Variants in CNTN4 observed in about 807,000 individuals in gnomAD.
CNTN4 encodes the protein contactin 4.
In CNTN4, 77 loss-of-function variants were observed where a neutral mutation model predicts 122.5. The ratio of observed to expected loss-of-function variants is 0.63; its 90% CI spans 0.52 to 0.76. CNTN4 has a LOEUF of 0.76. Ranked by LOEUF, CNTN4 falls within the 30% of genes least tolerant of loss-of-function variation. The pLI is 0.00. For missense variants in CNTN4, 1,256 were observed against 1,259.1 expected, an observed-to-expected ratio of 1.00 and a Z score of 0.04; for synonymous variants, 512 against 447.0, an observed-to-expected ratio of 1.15 and a Z score of -1.83.
rs1039240190 is a variant in CNTN4 at position 2,309,339 on chromosome 3, G to T, written c.-144-29839G>T. On this transcript the variant is annotated intron_variant, in intron 2 of 24. Coordinates refer to ENST00000418658, the MANE Select transcript of CNTN4 (RefSeq NM_175607.3). The stretch of plus-strand genomic sequence containing the variant: ...GTCTTTTAACTTTCAGCCTGTTTTT[G>T]TCTTTGAACCTAAAATATTTCAGTT... Among the ~76,000 whole-genome samples, 56 of 151,850 alleles carry T rather than the reference G, an allele frequency of 3.7e-4. 2 individuals carry two copies. Among genetic ancestry groups the T allele is most frequent in the African/African-American group, 1.3e-3 (55 of 41,352 alleles).
In CNTN4 at chr3:2,220,275, T is replaced by C. The variant is rs191016324; in HGVS notation, c.-144-118903T>C. 3.9e-5 allele frequency among the ~76,000 whole-genome samples: 6 copies of C among 152,294 alleles called. No individual in the cohort carries two copies. In the East Asian group the frequency reaches 9.7e-4, roughly 25 times the overall value. On this transcript the variant is annotated intron_variant, in intron 2 of 24. Coordinates refer to ENST00000418658, the MANE Select transcript of CNTN4 (RefSeq NM_175607.3). ...TCATTCATCATACTGTGAACACTTA[T>C]CACCACCTGCCTTGTGTTCTATGTA...
intron 3 of CNTN4, among the ~76,000 whole-genome samples, chr3:2,386,260 C>T (rs1014424371): frequency 1.3e-5 from 2 of 152,076 alleles, no homozygotes; most frequent in Non-Finnish European, 2.9e-5. Flanking sequence ...GATTATTTTC[C>T]TTCCCCACCT....
intron 3 of CNTN4, among the ~76,000 whole-genome samples, chr3:2,469,025 T>C (rs1235236762): frequency 2.6e-5 from 4 of 152,158 alleles, no homozygotes; most frequent in Non-Finnish European, 5.9e-5. Context: ...CCAGTCAAAA[T>C]CCGTCACTGT....
chr3:2,825,384 C>T (rs2092965156), intron 7 of CNTN4, among the ~76,000 whole-genome samples: 1 of 152,054 alleles, frequency 6.6e-6, no homozygotes, highest in African/African-American at 2.4e-5. Context: ...CCACCATGCC[C>T]AGCTAATTTT....
At chr3:2,668,254 C>G (rs1222667011) in intron 4 of CNTN4, among the ~76,000 whole-genome samples, 5 of 151,632 alleles carry the variant, frequency 3.3e-5, no homozygotes, top group Non-Finnish European at 5.9e-5. Flanking sequence ...TGTTTGTGTC[C>G]TCTTTTATTT....
chr3:2,694,528 G>T (rs1389653922), intron 4 of CNTN4, among the ~76,000 whole-genome samples: 2 of 152,044 alleles, frequency 1.3e-5, no homozygotes, highest in Non-Finnish European at 2.9e-5. Flanking sequence ...TCAGGAGTTC[G>T]AGATCAGCCT....
intron 6 of CNTN4, among the ~76,000 whole-genome samples, chr3:2,754,833 C>T (rs2090258494): frequency 6.6e-6 from 1 of 151,752 alleles, no homozygotes; most frequent in South Asian, 2.1e-4. Flanking sequence ...TTAAGTTAGC[C>T]TTATCAGTTA....
intron 2 of CNTN4, among the ~76,000 whole-genome samples, chr3:2,329,128 C>T (rs2043601456): frequency 1.3e-5 from 2 of 152,006 alleles, no homozygotes; most frequent in African/African-American, 2.4e-5. Flanking sequence ...TATTTACAAG[C>T]GTAACATAAA....
At chr3:2,347,517 C>G (rs1448758191) in intron 3 of CNTN4, among the ~76,000 whole-genome samples, 1 of 144,386 alleles carries the variant, frequency 6.9e-6, no homozygotes, top group Admixed American at 7.4e-5. Flanking sequence ...TCAAGTGATT[C>G]TCCTGCCTCA....
chr3:2,587,729 C>A (rs1358322989), intron 4 of CNTN4, among the ~76,000 whole-genome samples: 1 of 152,098 alleles, frequency 6.6e-6, no homozygotes, highest in Non-Finnish European at 1.5e-5. Flanking sequence ...TTTAAACTTG[C>A]TCTCCAGTTC....
intron 6 of CNTN4, among the ~76,000 whole-genome samples, chr3:2,789,920 A>G (rs1308168530): frequency 6.6e-6 from 1 of 152,228 alleles, no homozygotes; most frequent in African/African-American, 2.4e-5. Flanking sequence ...AAAAGTGCTT[A>G]TGGTGTTTAG....
intron 2 of CNTN4, among the ~76,000 whole-genome samples, chr3:2,243,461 T>C (rs956397042): frequency 1.5e-4 from 23 of 152,100 alleles, no homozygotes; most frequent in African/African-American, 3.9e-4. Flanking sequence ...ACAGCTTTTA[T>C]TGTGGCCTGA....
At chr3:2,322,231 C>T (rs1041536215) in intron 2 of CNTN4, among the ~76,000 whole-genome samples, 14 of 152,244 alleles carry the variant, frequency 9.2e-5, no homozygotes, top group African/African-American at 3.1e-4. Flanking sequence ...CAAACAGATA[C>T]TTCTGTATCA....
At chr3:2,198,414 G>A (rs1265901801) in intron 2 of CNTN4, among the ~76,000 whole-genome samples, 1 of 152,136 alleles carries the variant, frequency 6.6e-6, no homozygotes, top group African/African-American at 2.4e-5. Context: ...CATGCAGACT[G>A]AAAGTATTTG....
intron 2 of CNTN4, among the ~76,000 whole-genome samples, chr3:2,285,449 A>G (rs951566477): frequency 6.6e-6 from 1 of 152,100 alleles, no homozygotes; most frequent in African/African-American, 2.4e-5. Context: ...ATTGCATTGG[A>G]GCATTGGGAT....
intron 4 of CNTN4, among the ~76,000 whole-genome samples, chr3:2,640,259 A>G (rs1576315170): frequency 6.6e-6 from 1 of 152,216 alleles, no homozygotes; most frequent in East Asian, 1.9e-4. Context: ...CCAACATATT[A>G]TACATGAAAA....
At chr3:2,366,846 A>G (rs913200160) in intron 3 of CNTN4, among the ~76,000 whole-genome samples, 2 of 152,018 alleles carry the variant, frequency 1.3e-5, no homozygotes, top group Admixed American at 6.6e-5. Flanking sequence ...TATTGTAAGC[A>G]TTATCTTATT....
intron 6 of CNTN4, among the ~76,000 whole-genome samples, chr3:2,798,533 A>G (rs2092267230): frequency 6.6e-6 from 1 of 152,112 alleles, no homozygotes; most frequent in Non-Finnish European, 1.5e-5. Context: ...TTTTTGAGAC[A>G]GGGTCACACT....
Position 2,866,879 on chromosome 3 carries a change from T to C in CNTN4, c.582T>C (p.Cys194=), listed in dbSNP as rs2093729863. The change falls in exon 8 of 25, where the codon TGT becomes TGC. Residue 194 remains cysteine (C), a synonymous_variant. Transcript: ENST00000418658. ...VEKSDVGNYT[C]VVTNTVTNHK... ...AATCAGATGTTGGGAATTATACCTG[T>C]GTGGTTACCAATACCGTGACAAACC... 1 of 1,614,080 alleles carries C rather than the reference T, an allele frequency of 6.2e-7. No individual in the cohort carries two copies. The highest frequency in any genetic ancestry group is 8.5e-7 in the Non-Finnish European group (1 of 1,179,952).
Sources: gnomAD v4.1 joint callset for allele counts (sites outside exome capture counted in the v4.1 genomes callset) on GRCh38, gnomAD v4.1.1 for gene constraint, MANE v1.5 for transcripts, NCBI Gene and HGNC (gene_info 2026-07-23, HGNC 2026-07-21) for gene names.